Variants in TEX9 observed in about 807,000 individuals in gnomAD.
The protein encoded by TEX9 is testis expressed 9, also known as testis-expressed protein 9.
A neutral mutation model predicts 59.6 loss-of-function variants in TEX9; 74 were observed. The ratio of observed to expected loss-of-function variants is 1.24; its 90% CI spans 1.03 to 1.51. The LOEUF (loss-of-function observed/expected upper bound fraction) is 1.51. Among genes scored for constraint, TEX9 ranks in the 40% most tolerant of loss-of-function variants. TEX9 has a pLI of 0.00. For synonymous variants in TEX9, 186 were observed against 152.2 expected (o/e 1.22, Z -1.64); for missense variants, 522 against 447.8 (o/e 1.17, Z -1.49).
intron 12 of TEX9, among the ~76,000 whole-genome samples, chr15:56,433,232 C>T (rs2050646233): frequency 7.1e-6 from 1 of 141,292 alleles, no homozygotes; most frequent in Non-Finnish European, 1.5e-5. Context: ...GGGAGAGGAA[C>T]ATCATCACAC....
chr15:56,305,655 A>G (rs1172640062), intron 1 of TEX9, among the ~76,000 whole-genome samples: 4 of 152,202 alleles, frequency 2.6e-5, no homozygotes, highest in African/African-American at 9.7e-5. Context: ...CTAAGACCTC[A>G]AAATATAAAA....
chr15:56,319,640 G>C (rs568399804), intron 1 of TEX9, among the ~76,000 whole-genome samples: 3 of 152,022 alleles, frequency 2.0e-5, no homozygotes, highest in Non-Finnish European at 2.9e-5. Flanking sequence ...AATCCAACTT[G>C]TCTGGGCCCA....
At chr15:56,281,591 G>A (rs1218987109) in intron 1 of TEX9, among the ~76,000 whole-genome samples, 4 of 152,160 alleles carry the variant, frequency 2.6e-5, no homozygotes, top group African/African-American at 7.2e-5. Flanking sequence ...ATCTTCCATG[G>A]CAATGGTCCC....
chr15:56,383,294 T>C (rs2047816334), intron 3 of TEX9, among the ~76,000 whole-genome samples: 1 of 152,200 alleles, frequency 6.6e-6, no homozygotes. Flanking sequence ...GGTGTCAGCT[T>C]TTTAAGTCTC....
At chr15:56,365,317 G>C (rs1277699002), upstream of TEX9, 1 of 1,255,306 alleles carries the variant, frequency 8.0e-7, no homozygotes, top group African/African-American at 1.5e-5. Flanking sequence ...CCCGCTGCCA[G>C]AGGCTCGCGC....
At chr15:56,317,220 G>A (rs1280663881) in intron 1 of TEX9, among the ~76,000 whole-genome samples, 1 of 152,218 alleles carries the variant, frequency 6.6e-6, no homozygotes, top group Non-Finnish European at 1.5e-5. Flanking sequence ...TCAATATCTT[G>A]TTATGAATCT....
chr15:56,350,778 G>A (rs1372423951), intron 1 of TEX9, among the ~76,000 whole-genome samples: 1 of 152,038 alleles, frequency 6.6e-6, no homozygotes, highest in African/African-American at 2.4e-5. Context: ...GTCATGGAAG[G>A]GGTTTGTTGT....
intron 9 of TEX9, chr15:56,396,684 T>C (rs572626209): frequency 3.3e-5 from 5 of 150,780 alleles, no homozygotes; most frequent in Non-Finnish European, 5.9e-5. Flanking sequence ...TGGGAGGTAA[T>C]TGAATCATGG....
At chr15:56,365,550 G>C in intron 1 of TEX9, 29 bp from the exon 2 acceptor site, 2 of 1,614,160 alleles carry the variant, frequency 1.2e-6, no homozygotes, top group Admixed American at 1.7e-5. Flanking sequence ...CTTTAACTTC[G>C]GGTCTGAAAG....
chr15:56,424,529 A>G (rs1596235082), intron 10 of TEX9, among the ~76,000 whole-genome samples: 1 of 152,058 alleles, frequency 6.6e-6, no homozygotes, highest in African/African-American at 2.4e-5. Context: ...TCACAATTTT[A>G]TGTATGTCTT....
downstream of TEX9, among the ~76,000 whole-genome samples, chr15:56,450,928 A>G (rs77874385): frequency 0.027 from 4,065 of 152,236 alleles, 282 homozygotes; most frequent in East Asian, 0.24. Context: ...AAAATTGCCT[A>G]TTAGATGTGA....
chr15:56,406,752 G>C (rs552858060), intron 9 of TEX9, among the ~76,000 whole-genome samples: 1 of 151,860 alleles, frequency 6.6e-6, no homozygotes, highest in African/African-American at 2.4e-5. Context: ...CTTCTTTTGC[G>C]ATGTATTTGT....
chr15:56,446,915 A>T, downstream of TEX9: 2 of 1,609,432 alleles, frequency 1.2e-6, no homozygotes, highest in Non-Finnish European at 1.7e-6. Context: ...GCTGCTTTTA[A>T]TTTCTTCTCC....
In TEX9 at chr15:56,279,311, G is replaced by C. The variant is rs560007784; in HGVS notation, c.-107+35033G>C. Among the ~76,000 whole-genome samples the C allele has an allele frequency of 3.9e-5, 6 of 152,316 alleles. No individual in the cohort carries two copies. The South Asian group carries it at 1.2e-3, about 32-fold the overall frequency. Reference sequence around the variant, plus strand: ...GAGGCTTTGGCCATAAAAGTGAACTGTGTTAAACAGGAGACCTGTTAAGGA... The same window carrying C: ...GAGGCTTTGGCCATAAAAGTGAACTCTGTTAAACAGGAGACCTGTTAAGGA... On this transcript the variant is annotated intron_variant, in intron 1 of 5. Transcript: ENST00000560827.
chr15:56,387,121 T>C (rs2142214037), intron 4 of TEX9, among the ~76,000 whole-genome samples: 1 of 152,036 alleles, frequency 6.6e-6, no homozygotes, highest in Non-Finnish European at 1.5e-5. Flanking sequence ...TTCCATCATA[T>C]TACAAACAGA....
chr15:56,255,713 A>T (rs1244890128), intron 1 of TEX9, among the ~76,000 whole-genome samples: 1 of 152,084 alleles, frequency 6.6e-6, no homozygotes, highest in Non-Finnish European at 1.5e-5. Flanking sequence ...TATAACATCA[A>T]ATGTCATCTT....
intron 9 of TEX9, among the ~76,000 whole-genome samples, chr15:56,411,655 G>A (rs2049354272): frequency 6.6e-6 from 1 of 152,136 alleles, no homozygotes. Flanking sequence ...CAGGAGATGA[G>A]GCTGGTTGAT....
intron 12 of TEX9, chr15:56,443,494 A>G: frequency 6.2e-7 from 1 of 1,600,864 alleles, no homozygotes; most frequent in Non-Finnish European, 8.5e-7. Context: ...CACTTGTTCC[A>G]AATCTTCACG....
the TEX9 span, chr15:56,456,560 A>G: frequency 2.5e-6 from 4 of 1,589,112 alleles, no homozygotes; most frequent in African/African-American, 4.1e-5. Context: ...GTCCTCTAGA[A>G]TCAGATTTTT....
Sources: allele counts gnomAD v4.1 joint callset (sites outside exome capture counted in the v4.1 genomes callset), GRCh38; gene constraint gnomAD v4.1.1; transcripts MANE v1.5; gene names NCBI Gene and HGNC (gene_info 2026-07-23, HGNC 2026-07-21).